Variants in HERC1 observed in about 807,000 individuals in gnomAD.
HERC1 encodes probable E3 ubiquitin-protein ligase HERC1.
Under a neutral mutation model 554.3 loss-of-function variants are expected in HERC1, and 160 were observed. That is an observed-to-expected ratio of 0.29 (90% CI 0.25 to 0.33). The LOEUF is 0.33. HERC1 is among the 10% of genes least tolerant of loss of function. The probability of loss-of-function intolerance (pLI) is 1.00; values close to 1 mark genes in which losing one functional copy is unlikely to be tolerated. For missense variants in HERC1, 4,919 were observed against 5,918.5 expected, an observed-to-expected ratio of 0.83 and a Z score of 5.54; for synonymous variants, 2,175 against 2,131.7, an observed-to-expected ratio of 1.02 and a Z score of -0.56.
Position 63,775,126 on chromosome 15 carries a change from T to C in HERC1, c.498A>G (p.Leu166=), listed in dbSNP as rs757221928. Residue 166 remains leucine, a synonymous_variant, in exon 2 of 78, where the codon CTA becomes CTG. Coordinates refer to ENST00000443617, the MANE Select transcript of HERC1 (RefSeq NM_003922.4). The surrounding 1 kb of genome is among the most constrained non-coding windows in gnomAD (Gnocchi z 4.0). The stretch of plus-strand genomic sequence containing the variant: ...GTCTTAGAAGCGCAAATAATAAACT[T>C]AGACCAGTTCGAACACCCATTTCTA... ...ALIEMGVRTG[L]SLLFALLRQS... is the part of the protein sequence containing the mutation. The C allele has an allele frequency of 1.3e-5, 21 of 1,613,884 alleles. No homozygotes were observed. Among genetic ancestry groups the C allele is most frequent in the South Asian group, 8.8e-5 (8 of 91,082 alleles).
At chr15:63,814,521 A>G (rs569080456) in intron 1 of HERC1, among the ~76,000 whole-genome samples, 62 of 152,304 alleles carry the variant, frequency 4.1e-4, no homozygotes, top group African/African-American at 1.2e-3. Context: ...GTGCAGTGAC[A>G]CAATAGCTCA....
At chr15:63,698,405 C>A (rs187808151) in intron 26 of HERC1, among the ~76,000 whole-genome samples, 1 of 133,124 alleles carries the variant, frequency 7.5e-6, no homozygotes, top group East Asian at 2.0e-4. Context: ...GCAACGAGAG[C>A]GAAACTCCGT....
intron 31 of HERC1, among the ~76,000 whole-genome samples, chr15:63,691,725 G>T (rs551442659): frequency 1.2e-4 from 19 of 152,080 alleles, no homozygotes; most frequent in Admixed American, 1.3e-4. Context: ...ACCATGTGCC[G>T]TAGAGGATTA....
intron 17 of HERC1, among the ~76,000 whole-genome samples, chr15:63,726,828 T>C (rs2140823921): frequency 6.6e-6 from 1 of 152,268 alleles, no homozygotes; most frequent in East Asian, 1.9e-4. Flanking sequence ...GTTCATGTTA[T>C]GAGATTAGTA....
At chr15:63,815,621 G>A (rs1224745774) in intron 1 of HERC1, among the ~76,000 whole-genome samples, 1 of 152,170 alleles carries the variant, frequency 6.6e-6, no homozygotes, top group African/African-American at 2.4e-5. Context: ...ACTGAAAAAT[G>A]TCTTATTTAC....
At chr15:63,710,110 G>A (rs1316242221) in intron 24 of HERC1, among the ~76,000 whole-genome samples, 1 of 152,260 alleles carries the variant, frequency 6.6e-6, no homozygotes, top group Non-Finnish European at 1.5e-5. Flanking sequence ...AAGCAGGCAG[G>A]TGACACTTCC....
chr15:63,826,794 A>AAAAAAAAG (rs2077921575), intron 1 of HERC1, among the ~76,000 whole-genome samples: 1 of 48,814 alleles, frequency 2.0e-5, no homozygotes, highest in African/African-American at 8.0e-5. Context: ...TAAAAAAAAA[A>AAAAAAAAG]AAAAAAAAAA....
chr15:63,811,115 A>G (rs970089510), intron 1 of HERC1, among the ~76,000 whole-genome samples: 2 of 152,250 alleles, frequency 1.3e-5, no homozygotes, highest in African/African-American at 4.8e-5. Flanking sequence ...TGGACCCGAA[A>G]AAAACAAAAA....
chr15:63,702,361 T>A (rs2072764417), intron 25 of HERC1, among the ~76,000 whole-genome samples: 1 of 152,180 alleles, frequency 6.6e-6, no homozygotes, highest in South Asian at 2.1e-4. Context: ...GATAAATGTT[T>A]CCAGTATTAT....
intron 12 of HERC1, among the ~76,000 whole-genome samples, chr15:63,740,021 G>A (rs1185908525): frequency 6.6e-6 from 1 of 151,280 alleles, no homozygotes; most frequent in Non-Finnish European, 1.5e-5. Context: ...AGCAATTCTT[G>A]TGCCTCAGCC....
At chr15:63,614,489 G>A (rs1349022904) in intron 76 of HERC1, among the ~76,000 whole-genome samples, 1 of 152,174 alleles carries the variant, frequency 6.6e-6, no homozygotes, top group East Asian at 1.9e-4. Flanking sequence ...TGTGTAAATA[G>A]CATCACTGAC....
chr15:63,773,512 G>A lies in HERC1; in HGVS notation c.930+1182C>T, dbSNP rs995806038. ...AAATTAAGTCAGCTTTTAAGTGTTT[G>A]AGTCTTAATATTTTAAATTTGTATT... On this transcript the variant is annotated intron_variant, in intron 2 of 77. Transcript: ENST00000443617. 8.0e-5 allele frequency among the ~76,000 whole-genome samples: 12 copies of A among 149,308 alleles called. No homozygotes were observed. In the East Asian group the frequency reaches 2.1e-3, roughly 27 times the overall value.
chr15:63,661,805 T>C lies in HERC1; in HGVS notation c.9118A>G (p.Arg3040Gly), dbSNP rs1339516217. 1.2e-6 allele frequency: 2 copies of C among 1,614,034 alleles called. No homozygotes were observed. The highest frequency in any genetic ancestry group is 8.5e-7 in the Non-Finnish European group (1 of 1,179,882). Reference protein sequence around the residue: ...NPYYLLCGTCREKYLAMKTKS... With the variant: ...NPYYLLCGTCGEKYLAMKTKS... ...GTCTTCATGGCTAAGTACTTCTCCC[T>C]GCAGGTGCCACATAACAGGTAGTAC... The change falls in exon 45 of 78, where the codon AGG becomes GGG. Residue 3040 changes from arginine to glycine, a missense_variant. Transcript: ENST00000443617.
chr15:63,667,391 T>C (rs925151054), intron 40 of HERC1, among the ~76,000 whole-genome samples: 4 of 152,098 alleles, frequency 2.6e-5, no homozygotes, highest in African/African-American at 9.7e-5. Context: ...AGATTGAGCA[T>C]GTGAAATAAA....
intron 12 of HERC1, 89 bp downstream of exon 12, chr15:63,746,829 G>T: frequency 9.1e-7 from 1 of 1,103,768 alleles, no homozygotes; most frequent in Non-Finnish European, 1.3e-6. Flanking sequence ...AATTGAAATT[G>T]TCCAATGTAC....
At chr15:63,709,330 T>C (rs536676213) in intron 24 of HERC1, among the ~76,000 whole-genome samples, 1 of 151,044 alleles carries the variant, frequency 6.6e-6, no homozygotes, top group African/African-American at 2.4e-5. Context: ...TAAAAATGGG[T>C]TTTTTTTTAG....
rs747299831 is a variant in HERC1, at chr15:63,664,438, C to G, written c.8680+32G>C. 8.9e-6 allele frequency: 14 copies of G among 1,579,462 alleles called. No homozygotes were observed. The South Asian group carries it at 1.6e-4, about 18-fold the overall frequency. ...ACATTGCTTTCAAAATAAGATCTTT[C>G]ACAAAGAAAAGGATACGGAACATAA... On this transcript the variant is annotated intron_variant, in intron 43 of 77. Coordinates refer to ENST00000443617, the MANE Select transcript of HERC1 (RefSeq NM_003922.4).
In HERC1 at chr15:63,692,213, G is replaced by A. The variant is rs1271710277; in HGVS notation, c.5830+198C>T. On this transcript the variant is annotated intron_variant, in intron 31 of 77. Coordinates refer to ENST00000443617, the MANE Select transcript of HERC1 (RefSeq NM_003922.4). This position sits in a 1 kb window ranked among gnomAD's most constrained non-coding sequence, Gnocchi z 4.7. ...TAGATAAATTCTATGATCTTCTCCA[G>A]AGCTACATTATTTATTTTCTGCCAA... Among the ~76,000 whole-genome samples the A allele has an allele frequency of 6.6e-6, 1 of 152,194 alleles. No individual in the cohort carries two copies. Among genetic ancestry groups the A allele is most frequent in the East Asian group, 1.9e-4 (1 of 5,204 alleles).
chr15:63,670,394 A>G (rs1336874166), intron 39 of HERC1, among the ~76,000 whole-genome samples: 3 of 152,218 alleles, frequency 2.0e-5, no homozygotes, highest in Non-Finnish European at 4.4e-5. Context: ...TGCTCTTCAG[A>G]TTTGTCCAAA....
Sources: gnomAD v4.1 joint callset for allele counts (sites outside exome capture counted in the v4.1 genomes callset) on GRCh38, gnomAD v4.1.1 for gene constraint, Gnocchi (gnomAD v3.1) non-coding constraint, MANE v1.5 for transcripts, NCBI Gene and HGNC (gene_info 2026-07-23, HGNC 2026-07-21) for gene names.